Variants in TCP11 observed in about 807,000 individuals in gnomAD.
The protein encoded by TCP11 is t-complex 11.
TCP11 carries 34 observed loss-of-function variants against 45.0 expected under a neutral mutation model. That is an observed-to-expected ratio of 0.76 (90% CI 0.57 to 1.01). The LOEUF (loss-of-function observed/expected upper bound fraction) is 1.01. Among genes scored for constraint, TCP11 ranks in the 50% least tolerant of loss-of-function variants. The pLI, the probability that TCP11 is intolerant of heterozygous loss-of-function variation, is 0.00. For synonymous variants in TCP11, 227 were observed against 227.0 expected (o/e 1.00, Z 0.00); for missense variants, 523 against 598.1 (o/e 0.87, Z 1.31).
Position 35,118,195 on chromosome 6 carries a change from A to T in TCP11, c.*74T>A. 1.6e-6 allele frequency: 2 copies of T among 1,250,522 alleles called. No homozygotes were observed. Among genetic ancestry groups the T allele is most frequent in the Non-Finnish European group, 2.3e-6 (2 of 859,910 alleles). 77.5% of individuals were successfully genotyped at this position (1,250,522 alleles called of 1,614,324 possible). The stretch of plus-strand genomic sequence containing the variant: ...GATAGAAGCTCACTGTCTGCTGGTC[A>T]CTGGTGATGTTACTCCAGGAAGATG... On this transcript the variant is annotated 3_prime_UTR_variant, in exon 10 of 10. Transcript: ENST00000311875.
chr6:35,136,190 G>A lies in TCP11; in HGVS notation c.153C>T (p.Thr51=), dbSNP rs760228625. 4.3e-6 allele frequency: 7 copies of A among 1,613,022 alleles called. No homozygotes were observed. The highest frequency in any genetic ancestry group is 2.2e-5 in the South Asian group (2 of 90,986). The change falls in exon 3 of 10, where the codon ACC becomes ACT. Residue 51 remains threonine, a synonymous_variant. Coordinates refer to ENST00000311875, the MANE Select transcript of TCP11 (RefSeq NM_001370687.1). ...TGCTCAGCTTGGAAACTTCATTAAC[G>A]GTTTCTGTCAGACCTGTGACAGAAA... ...PFLSVTGLTE[T]VNEVSKLSNK...
chr6:35,128,864 G>C, intron 4 of TCP11, 198 bp downstream of exon 4: 2 of 621,894 alleles, frequency 3.2e-6, no homozygotes, highest in South Asian at 4.7e-5. Context: ...TACTAGCCAA[G>C]CCCTCATTTC....
intron 2 of TCP11, chr6:35,140,071 C>T (rs1781547666): frequency 6.2e-7 from 1 of 1,614,034 alleles, no homozygotes; most frequent in Non-Finnish European, 8.5e-7. Flanking sequence ...TGGTGCCATT[C>T]AGTTAACCAG....
At chr6:35,123,868 GC>G (rs1779554173) in intron 4 of TCP11, among the ~76,000 whole-genome samples, 2 of 151,734 alleles carry the variant, frequency 1.3e-5, no homozygotes, top group Non-Finnish European at 2.9e-5. Flanking sequence ...GCTCACTGCA[GC>G]CTCAACCTCC....
In TCP11 at chr6:35,126,174, A is replaced by C. The variant is rs187273676; in HGVS notation, c.357+2888T>G. Among the ~76,000 whole-genome samples the C allele has an allele frequency of 2.8e-4, 42 of 152,372 alleles. No homozygotes were observed. The East Asian group carries it at 7.7e-3, about 28-fold the overall frequency. ...TGCCACAACAAAAACAAATCCTAAAAAAAATTAAATAAATTTTTTAAAGCC... is the reference window on the plus strand; with the variant it reads ...TGCCACAACAAAAACAAATCCTAAACAAAATTAAATAAATTTTTTAAAGCC... On this transcript the variant is annotated intron_variant, in intron 4 of 9. Transcript: ENST00000311875.
chr6:35,121,195 C>G, intron 5 of TCP11, 150 bp from the exon 6 acceptor site: 1 of 937,042 alleles, frequency 1.1e-6, no homozygotes, highest in East Asian at 2.6e-5. Context: ...TGGCCCAGAA[C>G]CCAATACCCA....
chr6:35,118,316 G>C lies in TCP11; in HGVS notation c.1465C>G (p.Leu489Val). 1 of 1,614,154 alleles carries C rather than the reference G, an allele frequency of 6.2e-7. No individual in the cohort carries two copies. Among genetic ancestry groups the C allele is most frequent in the Non-Finnish European group, 8.5e-7 (1 of 1,180,020 alleles). ...TCCAGTGCCTGGGCTGGGGAAATGAGGGTTTTTAGGATCTCAGTGTAGTAG... is the reference window on the plus strand; with the variant it reads ...TCCAGTGCCTGGGCTGGGGAAATGACGGTTTTTAGGATCTCAGTGTAGTAG... ...GPYYTEILKTLISPAQALETK... is the reference protein window; with the variant it reads ...GPYYTEILKTVISPAQALETK... Residue 489 changes from leucine to valine, a missense_variant, in exon 10 of 10, where the codon CTC (leucine) becomes GTC (valine). Physicochemically the swap from Leu to Val is conservative, Grantham distance 32. Around this residue, in one of 2 missense-constraint regions of TCP11, gnomAD observed 298 missense variants for 387.9 expected, o/e 0.77. Transcript: ENST00000311875.
chr6:35,129,116 T>C lies in TCP11; in HGVS notation c.303A>G (p.Ser101=), dbSNP rs371762903. The C allele has an allele frequency of 3.7e-6, 6 of 1,614,072 alleles. No individual in the cohort carries two copies. In the African/African-American group the frequency reaches 5.3e-5, roughly 14 times the overall value. The change falls in exon 4 of 10, where the codon TCA becomes TCG. Residue 101 remains serine (S), a synonymous_variant. Coordinates refer to ENST00000311875, the MANE Select transcript of TCP11 (RefSeq NM_001370687.1). Reference sequence around the variant, plus strand: ...CACAGCTGAAGTCAGGGGGAGTTGCTGATAGTTGCTCTTTAAGATGGTCCC... The same window carrying C: ...CACAGCTGAAGTCAGGGGGAGTTGCCGATAGTTGCTCTTTAAGATGGTCCC... ...AFWDHLKEQL[S]ATPPDFSCAL...
chr6:35,120,572 C>A lies in TCP11; in HGVS notation c.790G>T (p.Asp264Tyr), dbSNP rs777657692. ...DLTMSPPTCP[D>Y]TSDSSSVAGP... ...GCCACACTGGAGGAGTCAGAAGTGT[C>A]TGGGCAAGTCGGAGGTGACATGGTG... Residue 264 changes from aspartate to tyrosine, a missense_variant, in exon 7 of 10, where the codon GAC becomes TAC. Asp to Tyr is a radical substitution (Grantham distance 160). Transcript: ENST00000311875. The surrounding 1 kb of genome is among the most constrained non-coding windows in gnomAD (Gnocchi z 4.9). The A allele has an allele frequency of 6.2e-7, 1 of 1,613,890 alleles. No homozygotes were observed. The highest frequency in any genetic ancestry group is 1.1e-5 in the South Asian group (1 of 91,074).
chr6:35,134,656 T>C (rs1780857984), intron 3 of TCP11, among the ~76,000 whole-genome samples: 1 of 152,204 alleles, frequency 6.6e-6, no homozygotes, highest in South Asian at 2.1e-4. Flanking sequence ...TGTTATACCA[T>C]ATTGGTTTTT....
Position 35,118,445 on chromosome 6 carries a change from G to A in TCP11, c.1336C>T (p.Leu446=). The A allele has an allele frequency of 6.2e-7, 1 of 1,614,170 alleles. No homozygotes were observed. The highest frequency in any genetic ancestry group is 8.5e-7 in the Non-Finnish European group (1 of 1,180,032). Residue 446 remains leucine, a synonymous_variant, in exon 10 of 10, where the codon CTA becomes TTA. Coordinates refer to ENST00000311875, the MANE Select transcript of TCP11 (RefSeq NM_001370687.1). ...GTAAGGCCTCCAGGAAGGTCTAATAGAGACCGCTGCACACCAAGAACCAAA... is the reference window on the plus strand; with the variant it reads ...GTAAGGCCTCCAGGAAGGTCTAATAAAGACCGCTGCACACCAAGAACCAAA... ...CCLVLGVQRS[L]LDLPGGLTLI... is the part of the protein sequence containing the mutation.
chr6:35,135,785 A>G (rs1376207151), intron 3 of TCP11, among the ~76,000 whole-genome samples: 1 of 152,210 alleles, frequency 6.6e-6, no homozygotes, highest in African/African-American at 2.4e-5. Context: ...TTAAGCTGCT[A>G]AATTTTGGGG....
At chr6:35,135,375 T>C (rs992673762) in intron 3 of TCP11, among the ~76,000 whole-genome samples, 12 of 152,108 alleles carry the variant, frequency 7.9e-5, no homozygotes, top group Non-Finnish European at 1.5e-4. Flanking sequence ...ATGTGGCAAA[T>C]TGAGGGAGCC....
Position 35,141,204 on chromosome 6 carries a change from C to A in TCP11, c.-15+1G>T. The A allele has an allele frequency of 7.1e-7, 1 of 1,405,262 alleles. No individual in the cohort carries two copies. The highest frequency in any genetic ancestry group is 3.1e-5 in the East Asian group (1 of 32,130). 87.0% of individuals were successfully genotyped at this position (1,405,262 alleles called of 1,614,324 possible). A position where few individuals can be genotyped will look rare whatever the true frequency, so the allele number is the denominator to read the frequency against. On this transcript the variant is annotated splice_donor_variant, in intron 1 of 9. Transcript: ENST00000311875. LOFTEE classifies it low-confidence loss of function (5UTR_SPLICE). The stretch of plus-strand genomic sequence containing the variant: ...CCCGCCTCCGGCTCCCAGGCCGTCA[C>A]CTCCTCCTCCCCCGCCGCGGGTCAT...
chr6:35,140,028 C>G, intron 2 of TCP11: 1 of 1,614,066 alleles, frequency 6.2e-7, no homozygotes, highest in South Asian at 1.1e-5. Context: ...ACCTCAGGTT[C>G]ATAGCTGTTG....
At position 35,129,120 on chromosome 6, in the gene TCP11, A is replaced by G; in HGVS notation, c.299T>C (p.Leu100Pro). Residue 100 changes from leucine (L) to proline (P), a missense_variant, in exon 4 of 10, where the codon CTA becomes CCA. Transcript: ENST00000311875. ...NAFWDHLKEQ[L>P]SATPPDFSCA... ...GCTGAAGTCAGGGGGAGTTGCTGAT[A>G]GTTGCTCTTTAAGATGGTCCCAAAA... is the stretch of plus-strand genomic sequence containing the variant. 2 of 1,614,178 alleles carry G rather than the reference A, an allele frequency of 1.2e-6. No individual in the cohort carries two copies. The highest frequency in any genetic ancestry group is 1.7e-6 in the Non-Finnish European group (2 of 1,180,012).
intron 4 of TCP11, among the ~76,000 whole-genome samples, chr6:35,124,215 A>T (rs1265692082): frequency 6.6e-6 from 1 of 152,080 alleles, no homozygotes; most frequent in Non-Finnish European, 1.5e-5. Context: ...GGGATGGGGG[A>T]GTGCTAACTA....
At chr6:35,124,147 A>C (rs531830308) in intron 4 of TCP11, among the ~76,000 whole-genome samples, 1 of 152,070 alleles carries the variant, frequency 6.6e-6, no homozygotes, top group Non-Finnish European at 1.5e-5. Context: ...CTACTTTGAC[A>C]TTCATTTGAG....
chr6:35,119,200 A>G (rs1778955664), intron 9 of TCP11, 28 bp downstream of exon 9: 1 of 1,612,184 alleles, frequency 6.2e-7, no homozygotes, highest in East Asian at 2.2e-5. Context: ...TTCCCTCACC[A>G]TTCTTACTAC....
Sources: allele counts gnomAD v4.1 joint callset (sites outside exome capture counted in the v4.1 genomes callset), GRCh38; gene constraint gnomAD v4.1.1; regional missense constraint gnomAD v4.1.1; non-coding constraint Gnocchi (gnomAD v3.1); transcripts MANE v1.5; gene names NCBI Gene and HGNC (gene_info 2026-07-23, HGNC 2026-07-21).